The following RBPJ variants were observed in gnomAD, a reference collection of about 807,000 sequenced individuals.
RBPJ encodes the protein recombination signal binding protein for immunoglobulin kappa J region.
Under a neutral mutation model 67.8 loss-of-function variants are expected in RBPJ, and 9 were observed. That is an observed-to-expected ratio of 0.13 (90% CI 0.08 to 0.23). The LOEUF is 0.23. Ranked by LOEUF, RBPJ falls within the 10% of genes least tolerant of loss-of-function variation. RBPJ has a pLI of 1.00. For missense variants in RBPJ, 305 were observed against 595.6 expected, an observed-to-expected ratio of 0.51 and a Z score of 5.08; for synonymous variants, 198 against 203.3, an observed-to-expected ratio of 0.97 and a Z score of 0.22.
intron 1 of RBPJ, among the ~76,000 whole-genome samples, chr4:26,243,923 G>A (rs1363466962): frequency 1.3e-5 from 2 of 151,656 alleles, no homozygotes; most frequent in East Asian, 1.9e-4. Flanking sequence ...GGTGAAATTC[G>A]TCTCTACAAA....
chr4:26,294,301 C>G lies in RBPJ; in HGVS notation c.-166-68145C>G, dbSNP rs192907816. Among the ~76,000 whole-genome samples, 789 of 151,852 alleles carry G rather than the reference C, an allele frequency of 5.2e-3. 7 individuals are homozygous for G. Among genetic ancestry groups the G allele is most frequent in the African/African-American group, 0.018 (761 of 41,432 alleles). On this transcript the variant is annotated intron_variant, in intron 1 of 4. Coordinates refer to the RBPJ transcript ENST00000512351. Reference sequence around the variant, plus strand: ...TTTAGTAGAGACAGGGTTTCACCATCTTGGCCAGGCTAGTCTTGAACTCCT... The same window carrying G: ...TTTAGTAGAGACAGGGTTTCACCATGTTGGCCAGGCTAGTCTTGAACTCCT...
chr4:26,260,531 C>T (rs966213068), intron 1 of RBPJ, among the ~76,000 whole-genome samples: 2 of 152,140 alleles, frequency 1.3e-5, no homozygotes, highest in African/African-American at 4.8e-5. Flanking sequence ...CAACTGTTAC[C>T]TGTCCATTCT....
At chr4:26,294,044 C>T (rs1335131232) in intron 1 of RBPJ, among the ~76,000 whole-genome samples, 1 of 151,614 alleles carries the variant, frequency 6.6e-6, no homozygotes, top group Non-Finnish European at 1.5e-5. Context: ...TGGCATGAGC[C>T]ATGGCACCCG....
At chr4:26,255,593 G>A (rs1174178182) in intron 1 of RBPJ, among the ~76,000 whole-genome samples, 2 of 149,410 alleles carry the variant, frequency 1.3e-5, no homozygotes, top group East Asian at 2.0e-4. Flanking sequence ...ACGAGGTCGG[G>A]AGATCGAGAC....
chr4:26,328,323 G>A (rs890932586), intron 1 of RBPJ, among the ~76,000 whole-genome samples: 1 of 152,086 alleles, frequency 6.6e-6, no homozygotes, highest in Non-Finnish European at 1.5e-5. Flanking sequence ...TATTAAATAA[G>A]CAGTTGAACA....
chr4:26,231,709 G>A (rs1719292791), intron 1 of RBPJ, among the ~76,000 whole-genome samples: 1 of 151,018 alleles, frequency 6.6e-6, no homozygotes, highest in East Asian at 2.0e-4. Context: ...ACGGCGCCCA[G>A]CCTATTTTTT....
the RBPJ span, among the ~76,000 whole-genome samples, chr4:26,114,478 C>T: frequency 4.1e-4 from 51 of 123,106 alleles, no homozygotes; most frequent in Non-Finnish European, 8.1e-4. Flanking sequence ...AAAGAATGTA[C>T]ATATATATAT....
intron 1 of RBPJ, among the ~76,000 whole-genome samples, chr4:26,327,547 T>G (rs1235610517): frequency 6.8e-5 from 10 of 148,052 alleles, no homozygotes; most frequent in Non-Finnish European, 1.2e-4. Flanking sequence ...TGGAGGTTTT[T>G]TTTTTTTTTT....
chr4:26,106,551 T>C, the RBPJ span, among the ~76,000 whole-genome samples: 2 of 152,190 alleles, frequency 1.3e-5, no homozygotes, highest in East Asian at 3.8e-4. Flanking sequence ...TTCCTGATTG[T>C]GGCTCGGATG....
upstream of RBPJ, among the ~76,000 whole-genome samples, chr4:26,318,585 T>C (rs1722742510): frequency 6.6e-6 from 1 of 152,222 alleles, no homozygotes; most frequent in African/African-American, 2.4e-5. Context: ...AAAAATCGTG[T>C]CCTTAAACGG....
intron 1 of RBPJ, among the ~76,000 whole-genome samples, chr4:26,297,902 T>C (rs879276370): frequency 6.6e-6 from 1 of 152,000 alleles, no homozygotes; most frequent in Non-Finnish European, 1.5e-5. Flanking sequence ...CTTTCTAATG[T>C]TGCCTTAATT....
At chr4:26,151,624 G>A in the RBPJ span, among the ~76,000 whole-genome samples, 1 of 152,158 alleles carries the variant, frequency 6.6e-6, no homozygotes, top group Non-Finnish European at 1.5e-5. Context: ...AGAAATTGAG[G>A]CACAGAGCTG....
In RBPJ at chr4:26,393,862, A is replaced by G. The variant is rs183677517; in HGVS notation, c.59+7471A>G. On this transcript the variant is annotated intron_variant, in intron 2 of 10. Transcript: ENST00000355476. ...CCTTAAAAAAAAAAATCTTTGAAACACTATTCTTACTCCCATTTTCCAAAT... is the reference window on the plus strand; with the variant it reads ...CCTTAAAAAAAAAAATCTTTGAAACGCTATTCTTACTCCCATTTTCCAAAT... 7.2e-4 allele frequency among the ~76,000 whole-genome samples: 110 copies of G among 152,158 alleles called. No individual in the cohort carries two copies. The East Asian group carries it at 0.015, about 21-fold the overall frequency.
chr4:26,409,358 G>A (rs1014497803), intron 3 of RBPJ, among the ~76,000 whole-genome samples: 8 of 152,190 alleles, frequency 5.3e-5, no homozygotes, highest in South Asian at 4.2e-4. Context: ...CCTGAGGTCC[G>A]AGGTGCCACT....
intron 1 of RBPJ, among the ~76,000 whole-genome samples, chr4:26,372,649 T>C (rs766725619): frequency 2.0e-5 from 3 of 152,204 alleles, no homozygotes; most frequent in Non-Finnish European, 2.9e-5. Context: ...TCTCAAGGCT[T>C]TCCCTCCTAT....
the RBPJ span, among the ~76,000 whole-genome samples, chr4:26,109,513 T>TATATACAC: frequency 2.1e-5 from 1 of 47,474 alleles, no homozygotes; most frequent in Non-Finnish European, 4.0e-5. Context: ...TATATATATA[T>TATATACAC]ACACACACAC....
the RBPJ span, among the ~76,000 whole-genome samples, chr4:26,157,822 G>T: frequency 6.6e-6 from 1 of 152,184 alleles, no homozygotes; most frequent in Non-Finnish European, 1.5e-5. Context: ...GCTTAGGTTA[G>T]CCTACTAGAC....
intron 2 of RBPJ, among the ~76,000 whole-genome samples, chr4:26,387,691 A>T (rs1015602014): frequency 6.6e-6 from 1 of 152,176 alleles, no homozygotes; most frequent in African/African-American, 2.4e-5. Context: ...CTTCAGCTGC[A>T]TATTGATCAG....
At chr4:26,420,862 CT>C in intron 5 of RBPJ, 137 bp downstream of exon 5, 3 of 686,966 alleles carry the variant, frequency 4.4e-6, no homozygotes, top group Non-Finnish European at 7.1e-6. Flanking sequence ...TATTGTCTCT[CT>C]TTTTTTAATC....
Sources: gnomAD v4.1 joint callset for allele counts (sites outside exome capture counted in the v4.1 genomes callset) on GRCh38, gnomAD v4.1.1 for gene constraint, MANE v1.5 for transcripts, NCBI Gene and HGNC (gene_info 2026-07-23, HGNC 2026-07-21) for gene names.